Variants in TAFA1 observed in about 807,000 individuals in gnomAD.
TAFA1 encodes the protein TAFA chemokine like family member 1, also known as chemokine-like protein TAFA-1.
TAFA1 carries 4 observed loss-of-function variants against 18.5 expected under a neutral mutation model. That is an observed-to-expected ratio of 0.22 (90% CI 0.11 to 0.49). TAFA1 has a LOEUF of 0.49. TAFA1 is among the 20% of genes least tolerant of loss of function. TAFA1 has a pLI of 0.98. For missense variants in TAFA1, 147 were observed against 169.0 expected, an observed-to-expected ratio of 0.87 and a Z score of 0.72; for synonymous variants, 56 against 55.2, an observed-to-expected ratio of 1.01 and a Z score of -0.06.
chr3:68,061,244 A>G (rs1383514150), intron 2 of TAFA1, among the ~76,000 whole-genome samples: 1 of 152,176 alleles, frequency 6.6e-6, no homozygotes, highest in Non-Finnish European at 1.5e-5. Flanking sequence ...GAGATTTATT[A>G]AGTGTCAGGT....
intron 2 of TAFA1, among the ~76,000 whole-genome samples, chr3:68,313,740 C>T (rs1196309318): frequency 1.3e-5 from 2 of 152,202 alleles, no homozygotes; most frequent in East Asian, 3.8e-4. Context: ...CTCTTTGGCC[C>T]TAACTGGATG....
chr3:68,371,508 A>C (rs2069706429), intron 2 of TAFA1, among the ~76,000 whole-genome samples: 1 of 152,134 alleles, frequency 6.6e-6, no homozygotes, highest in South Asian at 2.1e-4. Context: ...TAGTTTGCTG[A>C]GAATGATGGT....
intron 2 of TAFA1, among the ~76,000 whole-genome samples, chr3:68,259,106 C>A (rs941262654): frequency 1.2e-4 from 18 of 152,172 alleles, no homozygotes; most frequent in Non-Finnish European, 1.5e-5. Flanking sequence ...GACTGACACT[C>A]TTAATTTCCA....
chr3:68,487,666 G>A (rs941398140), intron 3 of TAFA1, among the ~76,000 whole-genome samples: 1 of 151,400 alleles, frequency 6.6e-6, no homozygotes, highest in East Asian at 1.9e-4. Flanking sequence ...GCAGGAGAAC[G>A]GTGTGAACCT....
chr3:68,095,050 G>C (rs529332273), intron 2 of TAFA1, among the ~76,000 whole-genome samples: 1 of 152,248 alleles, frequency 6.6e-6, no homozygotes, highest in African/African-American at 2.4e-5. Context: ...CCCTCTCAGA[G>C]GCCCTTAAGT....
At chr3:68,259,027 G>C (rs760602362) in intron 2 of TAFA1, among the ~76,000 whole-genome samples, 1 of 152,162 alleles carries the variant, frequency 6.6e-6, no homozygotes, top group Non-Finnish European at 1.5e-5. Flanking sequence ...GCACACGTGG[G>C]CAGGGATTCT....
At chr3:67,997,903 A>G in the TAFA1 span, among the ~76,000 whole-genome samples, 9 of 152,296 alleles carry the variant, frequency 5.9e-5, no homozygotes, top group African/African-American at 1.9e-4. Flanking sequence ...TTCAAGAAAC[A>G]AAAGCACAAT....
intron 2 of TAFA1, among the ~76,000 whole-genome samples, chr3:68,327,131 T>G (rs999728003): frequency 7.9e-5 from 12 of 152,206 alleles, no homozygotes; most frequent in Admixed American, 7.2e-4. Context: ...TGCCACCATG[T>G]AAGACATGTC....
At chr3:68,468,833 C>T (rs570419279) in intron 3 of TAFA1, among the ~76,000 whole-genome samples, 1 of 152,148 alleles carries the variant, frequency 6.6e-6, no homozygotes, top group Non-Finnish European at 1.5e-5. Flanking sequence ...CTATTATCTG[C>T]AAATGTAGTT....
chr3:68,298,866 G>T (rs1157276820), intron 2 of TAFA1, among the ~76,000 whole-genome samples: 1 of 152,186 alleles, frequency 6.6e-6, no homozygotes, highest in Non-Finnish European at 1.5e-5. Flanking sequence ...TTATAGCAGT[G>T]TGACAATGGT....
At chr3:68,248,689 T>A (rs1403254537) in intron 2 of TAFA1, among the ~76,000 whole-genome samples, 2 of 128,550 alleles carry the variant, frequency 1.6e-5, no homozygotes, top group East Asian at 2.6e-4. Context: ...TTATCTATGA[T>A]AAACATCTGA....
chr3:68,057,237 C>CCATA (rs1393622309), intron 2 of TAFA1, among the ~76,000 whole-genome samples: 1 of 152,130 alleles, frequency 6.6e-6, no homozygotes, highest in Non-Finnish European at 1.5e-5. Context: ...GTCTAATGGT[C>CCATA]CATAGTTAGA....
chr3:68,539,714 G>T (rs2106791730), intron 4 of TAFA1, among the ~76,000 whole-genome samples: 1 of 92,372 alleles, frequency 1.1e-5, no homozygotes, highest in Non-Finnish European at 2.1e-5. Flanking sequence ...GTGTGTGCAT[G>T]TGTGTGGTGG....
Position 68,022,421 on chromosome 3 carries a change from G to A in TAFA1, c.118+15677G>A, listed in dbSNP as rs563892334. On this transcript the variant is annotated intron_variant, in intron 2 of 4. Coordinates refer to ENST00000478136, the MANE Select transcript of TAFA1 (RefSeq NM_213609.4). ...CAGACATTCTTGTCTTTCTACTATG[G>A]CCCCTGGGTAACTCCAATAGTATCT... Among the ~76,000 whole-genome samples the A allele has an allele frequency of 2.6e-5, 4 of 152,138 alleles. No homozygotes were observed. The East Asian group carries it at 7.7e-4, about 29-fold the overall frequency.
At chr3:68,302,139 A>C (rs555614847) in intron 2 of TAFA1, among the ~76,000 whole-genome samples, 1 of 152,306 alleles carries the variant, frequency 6.6e-6, no homozygotes, top group South Asian at 2.1e-4. Flanking sequence ...GGAAGAGAGA[A>C]ATATTTGTAG....
intron 2 of TAFA1, among the ~76,000 whole-genome samples, chr3:68,012,237 C>T (rs1410789519): frequency 6.6e-6 from 1 of 152,102 alleles, no homozygotes; most frequent in African/African-American, 2.4e-5. Flanking sequence ...CTTCCATTTC[C>T]AGGTGCTTAT....
intron 2 of TAFA1, among the ~76,000 whole-genome samples, chr3:68,265,068 G>T (rs1315186508): frequency 6.6e-6 from 1 of 152,060 alleles, no homozygotes; most frequent in African/African-American, 2.4e-5. Context: ...AATTTTGCTG[G>T]CAAAGCAAGA....
At chr3:68,090,770 C>G (rs2065021795) in intron 2 of TAFA1, among the ~76,000 whole-genome samples, 2 of 152,218 alleles carry the variant, frequency 1.3e-5, no homozygotes, top group South Asian at 2.1e-4. Context: ...ATTAATCTGC[C>G]CAGCTGAGAG....
intron 2 of TAFA1, among the ~76,000 whole-genome samples, chr3:68,035,290 C>G (rs1705022276): frequency 6.6e-6 from 1 of 152,142 alleles, no homozygotes; most frequent in African/African-American, 2.4e-5. Flanking sequence ...TCAGCACAAA[C>G]CTATTTTGCT....
Sources: allele counts gnomAD v4.1 joint callset (sites outside exome capture counted in the v4.1 genomes callset), GRCh38; gene constraint gnomAD v4.1.1; transcripts MANE v1.5; gene names NCBI Gene and HGNC (gene_info 2026-07-23, HGNC 2026-07-21).